The following KIAA0586 variants were observed in gnomAD, a reference collection of about 807,000 sequenced individuals.
KIAA0586 encodes protein TALPID3.
KIAA0586 carries 144 observed loss-of-function variants against 169.8 expected under a neutral mutation model. The observed-to-expected ratio is 0.85, with a 90% CI of 0.74 to 0.97. The LOEUF (loss-of-function observed/expected upper bound fraction) is 0.97. Ranked by LOEUF, KIAA0586 falls within the 50% of genes least tolerant of loss-of-function variation. KIAA0586 has a pLI of 0.00. For synonymous variants in KIAA0586, 625 were observed against 612.4 expected (o/e 1.02, Z -0.30); for missense variants, 1,854 against 1,823.0 (o/e 1.02, Z -0.31).
At chr14:58,452,525 G>A (rs1461791810) in intron 8 of KIAA0586, among the ~76,000 whole-genome samples, 1 of 152,090 alleles carries the variant, frequency 6.6e-6, no homozygotes, top group Non-Finnish European at 1.5e-5. Flanking sequence ...AAGGCTAAAG[G>A]ATAGATCCAC....
In KIAA0586 at chr14:58,487,998, A is replaced by G. The variant is rs947520503; in HGVS notation, c.3416A>G (p.Asp1139Gly). ...FTPTLSDISI[D>G]KLKVSSPELP... Reference sequence around the variant, plus strand: ...CCAACTTTGTCAGATATTTCCATTGATAAATTGAAGGTATCAAGCCCAGAG... The same window carrying G: ...CCAACTTTGTCAGATATTTCCATTGGTAAATTGAAGGTATCAAGCCCAGAG... Residue 1139 changes from aspartate (D) to glycine (G), a missense_variant, in exon 23 of 31, where the codon GAT becomes GGT. Coordinates refer to ENST00000652326, the MANE Select transcript of KIAA0586 (RefSeq NM_001329943.3). The G allele has an allele frequency of 6.8e-6, 11 of 1,612,776 alleles. No individual in the cohort carries two copies. The highest frequency in any genetic ancestry group is 8.5e-6 in the Non-Finnish European group (10 of 1,179,500).
At chr14:58,513,751 C>A (rs969282212) in intron 29 of KIAA0586, among the ~76,000 whole-genome samples, 7 of 152,004 alleles carry the variant, frequency 4.6e-5, no homozygotes, top group South Asian at 2.1e-4. Flanking sequence ...ACTGAGTTCT[C>A]ATTTATGAAC....
intron 30 of KIAA0586, 77 bp from the exon 31 acceptor site, chr14:58,547,702 CAT>C (rs557832839): frequency 2.0e-4 from 229 of 1,129,128 alleles, no homozygotes; most frequent in Middle Eastern, 1.6e-3. Flanking sequence ...ACCCCAACCT[CAT>C]ATTATTTCGC....
At chr14:58,466,915 T>C (rs775088689) in intron 15 of KIAA0586, among the ~76,000 whole-genome samples, 5 of 152,198 alleles carry the variant, frequency 3.3e-5, no homozygotes, top group Non-Finnish European at 5.9e-5. Flanking sequence ...TATTTACTTA[T>C]TTGCCTTCTC....
intron 11 of KIAA0586, among the ~76,000 whole-genome samples, chr14:58,458,190 TTTTC>T (rs2040034330): frequency 6.6e-6 from 1 of 152,222 alleles, no homozygotes; most frequent in Non-Finnish European, 1.5e-5. Flanking sequence ...TCTTTTAATT[TTTTC>T]TTTCTTTGGT....
chr14:58,482,762 T>C (rs1295686820), intron 21 of KIAA0586, 50 bp downstream of exon 21: 3 of 1,263,026 alleles, frequency 2.4e-6, no homozygotes, highest in Middle Eastern at 2.0e-4. Flanking sequence ...AATAGATGAA[T>C]TTTAAGCTGC....
chr14:58,506,441 G>A (rs2043945504), intron 27 of KIAA0586, among the ~76,000 whole-genome samples: 1 of 151,402 alleles, frequency 6.6e-6, no homozygotes, highest in African/African-American at 2.4e-5. Context: ...CACTTTGGGA[G>A]AACGAGGTGA....
At chr14:58,539,977 G>C in intron 29 of KIAA0586, 94 bp from the exon 30 acceptor site, 1 of 704,264 alleles carries the variant, frequency 1.4e-6, no homozygotes, top group Non-Finnish European at 2.4e-6. Flanking sequence ...CGGTGGGAGT[G>C]CATTTGGTTT....
Position 58,476,358 on chromosome 14 carries a change from A to T in KIAA0586, c.2826-765A>T, listed in dbSNP as rs367584790. Among the ~76,000 whole-genome samples, 4 of 152,274 alleles carry T rather than the reference A, an allele frequency of 2.6e-5. 1 individual carries two copies. ...CCTTCCTGAAGATGACTTTGGAAAT[A>T]AATTTTTTCTTTACATTTTAAGAGG... On this transcript the variant is annotated intron_variant, in intron 19 of 30. Coordinates refer to ENST00000652326, the MANE Select transcript of KIAA0586 (RefSeq NM_001329943.3).
chr14:58,553,668 G>A (rs1168509753), downstream of KIAA0586, among the ~76,000 whole-genome samples: 4 of 151,810 alleles, frequency 2.6e-5, no homozygotes, highest in African/African-American at 9.7e-5. Flanking sequence ...CTCAACTTGC[G>A]GTCACTCATG....
rs887435256 is a variant in KIAA0586 at position 58,548,804 on chromosome 14, A to G, written c.*872A>G. On this transcript the variant is annotated 3_prime_UTR_variant, in exon 31 of 31. Coordinates refer to ENST00000652326, the MANE Select transcript of KIAA0586 (RefSeq NM_001329943.3). ...CATAAATACATAAAATTAAAGGAAA[A>G]TAAAAAGCATTGCTTCGTAATCAGA... 1 of 152,234 alleles carries G rather than the reference A, an allele frequency of 6.6e-6. No individual in the cohort carries two copies. The highest frequency in any genetic ancestry group is 1.5e-5 in the Non-Finnish European group (1 of 68,036). 9.4% of individuals were successfully genotyped at this position (152,234 alleles called of 1,614,324 possible). A position where few individuals can be genotyped will look rare whatever the true frequency, so the allele number is the denominator to read the frequency against.
chr14:58,442,979 G>A lies in KIAA0586; in HGVS notation c.585+99G>A, dbSNP rs2038532895. 7 of 846,966 alleles carry A rather than the reference G, an allele frequency of 8.3e-6. No homozygotes were observed. The South Asian group carries it at 1.4e-4, about 17-fold the overall frequency. The allele number at this position is 846,966 out of a possible 1,614,324, so 52.5% of individuals were successfully genotyped here. A position where few individuals can be genotyped will look rare whatever the true frequency, so the allele number is the denominator to read the frequency against. On this transcript the variant is annotated intron_variant, in intron 5 of 30. Coordinates refer to ENST00000652326, the MANE Select transcript of KIAA0586 (RefSeq NM_001329943.3). ...AATGGTTGTGTCCAGTTATAGACTAGGAACATTGTAGTTGCTCTCAATTTG... is the reference window on the plus strand; with the variant it reads ...AATGGTTGTGTCCAGTTATAGACTAAGAACATTGTAGTTGCTCTCAATTTG...
chr14:58,486,973 A>G (rs2042491220), intron 21 of KIAA0586, 34 bp from the exon 22 acceptor site: 1 of 1,530,244 alleles, frequency 6.5e-7, no homozygotes, highest in Admixed American at 2.0e-5. Context: ...TTGGGTGATT[A>G]TAAACACAGT....
Position 58,488,795 on chromosome 14 carries a change from C to G in KIAA0586, c.3702C>G (p.Val1234=), listed in dbSNP as rs755624639. 6.2e-7 allele frequency: 1 copy of G among 1,613,834 alleles called. No individual in the cohort carries two copies. The highest frequency in any genetic ancestry group is 8.5e-7 in the Non-Finnish European group (1 of 1,179,804). The change falls in exon 24 of 31, where the codon GTC becomes GTG. Residue 1234 remains valine, a synonymous_variant. Transcript: ENST00000652326. ...STLESTLSVT[V]TETETLDKPI... ...TGGAGAGCACATTGAGTGTTACTGT[C>G]ACTGAAACTGAAACTTTAGATAAAC...
At chr14:58,536,334 T>C (rs2046288488) in intron 29 of KIAA0586, among the ~76,000 whole-genome samples, 1 of 143,660 alleles carries the variant, frequency 7.0e-6, no homozygotes, top group African/African-American at 2.5e-5. Flanking sequence ...TCGTGTATTA[T>C]TTCTATCCGT....
chr14:58,450,181 A>T (rs773724334), intron 7 of KIAA0586, among the ~76,000 whole-genome samples: 1 of 152,188 alleles, frequency 6.6e-6, no homozygotes, highest in Non-Finnish European at 1.5e-5. Context: ...TATTTAAAGC[A>T]CATTTTCTTT....
chr14:58,540,501 G>T (rs937676177), intron 30 of KIAA0586, among the ~76,000 whole-genome samples: 4 of 152,188 alleles, frequency 2.6e-5, no homozygotes, highest in African/African-American at 7.2e-5. Flanking sequence ...AAGTGAAGCA[G>T]CTGGAACCTG....
chr14:58,438,932 T>G (rs983824552), intron 4 of KIAA0586, among the ~76,000 whole-genome samples: 1 of 152,030 alleles, frequency 6.6e-6, no homozygotes, highest in Non-Finnish European at 1.5e-5. Context: ...AAGGAATAAT[T>G]TTAGATTTTT....
Position 58,464,615 on chromosome 14 carries a change from A to G in KIAA0586, c.2060-1220A>G, listed in dbSNP as rs574902549. Among the ~76,000 whole-genome samples, 6 of 152,322 alleles carry G rather than the reference A, an allele frequency of 3.9e-5. No homozygotes were observed. The East Asian group carries it at 1.2e-3, about 29-fold the overall frequency. On this transcript the variant is annotated intron_variant, in intron 14 of 30. Transcript: ENST00000652326. ...TTTAATATTTTAAGATTTAGGATAT[A>G]ATGGCTATATGTGTATGTATACATC...
Sources: allele counts gnomAD v4.1 joint callset (sites outside exome capture counted in the v4.1 genomes callset), GRCh38; gene constraint gnomAD v4.1.1; transcripts MANE v1.5; gene names NCBI Gene and HGNC (gene_info 2026-07-23, HGNC 2026-07-21).